MYH9: variants seen among roughly 807,000 people sequenced by gnomAD.
The protein encoded by MYH9 is myosin-9.
A neutral mutation model predicts 241.9 loss-of-function variants in MYH9; 29 were observed. That is an observed-to-expected ratio of 0.12 (90% CI 0.09 to 0.16). MYH9 has a LOEUF of 0.16. Among genes scored for constraint, MYH9 ranks in the 10% least tolerant of loss-of-function variants. MYH9 has a pLI of 1.00. For synonymous variants in MYH9, 1,047 were observed against 1,062.6 expected (o/e 0.99, Z 0.29); for missense variants, 1,803 against 2,595.5 (o/e 0.69, Z 6.63).
intron 40 of MYH9, among the ~76,000 whole-genome samples, chr22:36,283,727 C>G (rs1282292113): frequency 2.0e-5 from 3 of 152,218 alleles, no homozygotes; most frequent in Non-Finnish European, 4.4e-5. Flanking sequence ...TGTTAACACT[C>G]CCTGAGAAAC....
At chr22:36,307,147 T>C (rs1018573165) in intron 15 of MYH9, among the ~76,000 whole-genome samples, 1 of 152,232 alleles carries the variant, frequency 6.6e-6, no homozygotes, top group East Asian at 1.9e-4. Context: ...GTCCCCTCTA[T>C]ATCTACGCAG....
At chr22:36,379,137 C>T (rs1330824574) in intron 1 of MYH9, among the ~76,000 whole-genome samples, 1 of 152,128 alleles carries the variant, frequency 6.6e-6, no homozygotes, top group Non-Finnish European at 1.5e-5. Context: ...AAAGGCTCTT[C>T]TTTCTAAGGC....
At chr22:36,331,892 G>A (rs192438735) in intron 3 of MYH9, among the ~76,000 whole-genome samples, 132 of 152,342 alleles carry the variant, frequency 8.7e-4, no homozygotes, top group Non-Finnish European at 1.6e-4. Flanking sequence ...ACATGCCCAC[G>A]TTGGGTGAGA....
Position 36,286,807 on chromosome 22 carries a change from G to A in MYH9, c.4972C>T (p.Arg1658Cys), listed in dbSNP as rs143972348. ...KDCMRELDDT[R>C]ASREEILAQA... ...GCCAGGATCTCCTCACGAGAGGCGC[G>A]GGTGTCATCCAGCTCGCGCATGCAG... The change falls in exon 35 of 41, where the codon CGC becomes TGC. Residue 1658 changes from arginine (R) to cysteine (C), a missense_variant. Transcript: ENST00000216181. 20 of 1,611,714 alleles carry A rather than the reference G, an allele frequency of 1.2e-5. No homozygotes were observed. The highest frequency in any genetic ancestry group is 2.2e-5 in the South Asian group (2 of 91,082).
chr22:36,319,333 C>A (rs1447812476), intron 10 of MYH9, among the ~76,000 whole-genome samples: 1 of 152,058 alleles, frequency 6.6e-6, no homozygotes, highest in Non-Finnish European at 1.5e-5. Context: ...CACATGATCA[C>A]AAGTTTAAGT....
chr22:36,320,932 G>A lies in MYH9; in HGVS notation c.770-36C>T, dbSNP rs1212336961. ...ATTAAGGAGCAACACAAGCTGGGGA[G>A]AAGGCAAGCCCTCCACTTTCCTCAT... is the stretch of plus-strand genomic sequence containing the variant. On this transcript the variant is annotated intron_variant, in intron 7 of 40. Coordinates refer to ENST00000216181, the MANE Select transcript of MYH9 (RefSeq NM_002473.6). This position sits in a 1 kb window ranked among gnomAD's most constrained non-coding sequence, Gnocchi z 4.8. 1.3e-6 allele frequency: 2 copies of A among 1,562,908 alleles called. No individual in the cohort carries two copies. The highest frequency in any genetic ancestry group is 8.8e-7 in the Non-Finnish European group (1 of 1,136,244).
chr22:36,302,674 G>A lies in MYH9; in HGVS notation c.2393C>T (p.Ala798Val), dbSNP rs1252181324. Reference sequence around the variant, plus strand: ...AAGCTGCTGCTGCCGCTTGGCAAATGCTCTGTGTGGTGAGGAACATGGTCA... The same window carrying A: ...AAGCTGCTGCTGCCGCTTGGCAAATACTCTGTGTGGTGAGGAACATGGTCA... ...ACCRGYLARKAFAKRQQQLTA... is the reference protein window; with the variant it reads ...ACCRGYLARKVFAKRQQQLTA... Residue 798 changes from alanine (A) to valine (V), a missense_variant and splice_region_variant, in exon 20 of 41, where the codon GCA becomes GTA. Transcript: ENST00000216181. The A allele has an allele frequency of 3.7e-6, 6 of 1,612,918 alleles. No individual in the cohort carries two copies. The highest frequency in any genetic ancestry group is 5.1e-6 in the Non-Finnish European group (6 of 1,179,484).
intron 1 of MYH9, among the ~76,000 whole-genome samples, chr22:36,386,594 G>T (rs1016105667): frequency 6.6e-6 from 1 of 152,192 alleles, no homozygotes; most frequent in South Asian, 2.1e-4. Flanking sequence ...AGTGAACCGA[G>T]AAGTGGCTGG....
chr22:36,307,616 G>A (rs1443774222), intron 15 of MYH9, among the ~76,000 whole-genome samples: 5 of 152,244 alleles, frequency 3.3e-5, no homozygotes, highest in Non-Finnish European at 7.3e-5. Flanking sequence ...GGCTGGGCAT[G>A]GTGGCTCGCG....
chr22:36,288,387 C>G lies in MYH9; in HGVS notation c.4797G>C (p.Glu1599Asp), dbSNP rs781661570. ...CCATCGAGCGCTGCTTCCTCTCGTCCTCCAGCTCTGCCTCCATCTCCCGCA... is the reference window on the plus strand; with the variant it reads ...CCATCGAGCGCTGCTTCCTCTCGTCGTCCAGCTCTGCCTCCATCTCCCGCA... The part of the protein sequence containing the change: ...RQVREMEAEL[E>D]DERKQRSMAV... Residue 1599 changes from glutamate to aspartate, a missense_variant, in exon 34 of 41, where the codon GAG (glutamate) becomes GAC (aspartate). Coordinates refer to ENST00000216181, the MANE Select transcript of MYH9 (RefSeq NM_002473.6). The surrounding 1 kb of genome is among the most constrained non-coding windows in gnomAD (Gnocchi z 4.8). 65 of 1,612,548 alleles carry G rather than the reference C, an allele frequency of 4.0e-5. No individual in the cohort carries two copies. The highest frequency in any genetic ancestry group is 4.3e-5 in the Non-Finnish European group (51 of 1,180,032).
At chr22:36,347,182 A>G (rs556597744) in intron 2 of MYH9, among the ~76,000 whole-genome samples, 2 of 152,110 alleles carry the variant, frequency 1.3e-5, no homozygotes, top group Admixed American at 1.3e-4. Flanking sequence ...CCTGTCTCCT[A>G]ACTTGGTGAT....
intron 19 of MYH9, 125 bp downstream of exon 19, chr22:36,303,870 G>GC (rs1569535308): frequency 9.4e-7 from 1 of 1,066,556 alleles, no homozygotes; most frequent in South Asian, 1.4e-5. Flanking sequence ...GGTAGGAAGA[G>GC]CCACCTGGGC....
In MYH9 at chr22:36,288,230, C is replaced by G. The variant is rs1482198281; in HGVS notation, c.4932+22G>C. 1.4e-5 allele frequency: 22 copies of G among 1,612,892 alleles called. No individual in the cohort carries two copies. Among genetic ancestry groups the G allele is most frequent in the Non-Finnish European group, 1.8e-5 (21 of 1,179,856 alleles). On this transcript the variant is annotated intron_variant, in intron 34 of 40. Coordinates refer to ENST00000216181, the MANE Select transcript of MYH9 (RefSeq NM_002473.6). This position sits in a 1 kb window ranked among gnomAD's most constrained non-coding sequence, Gnocchi z 4.8. ...CTCAGTCGGGTGCCGCCCACCCTCA[C>G]CTGGGCCCCGCCCACCCTTACCTGC...
intron 14 of MYH9, among the ~76,000 whole-genome samples, chr22:36,311,262 G>A (rs971022538): frequency 6.6e-6 from 1 of 152,206 alleles, no homozygotes; most frequent in African/African-American, 2.4e-5. Flanking sequence ...ATGCAGACTG[G>A]GAAGATGTCT....
rs201153545 is a variant in MYH9, at chr22:36,294,939, G to A, written c.3623C>T (p.Thr1208Met). 1.2e-5 allele frequency: 19 copies of A among 1,613,336 alleles called. No individual in the cohort carries two copies. The highest frequency in any genetic ancestry group is 1.7e-4 in the Middle Eastern group (1 of 6,056). The part of the protein sequence containing the change: ...VEELAEQLEQ[T>M]KRVKANLEKA... Reference sequence around the variant, plus strand: ...CTCAGGGAGGCTCCGCACCCGCTTCGTCTGCTCCAGCTGCTCCGCCAGCTC... The same window carrying A: ...CTCAGGGAGGCTCCGCACCCGCTTCATCTGCTCCAGCTGCTCCGCCAGCTC... Residue 1208 changes from threonine to methionine, a missense_variant, in exon 27 of 41, where the codon ACG becomes ATG. By Grantham distance (81) the Thr-to-Met change is moderately conservative. Transcript: ENST00000216181.
In MYH9 at chr22:36,351,170, G is replaced by A. The variant is rs541027373; in HGVS notation, c.-19-1915C>T. Among the ~76,000 whole-genome samples, 5 of 152,294 alleles carry A rather than the reference G, an allele frequency of 3.3e-5. No homozygotes were observed. The East Asian group carries it at 5.8e-4, about 18-fold the overall frequency. On this transcript the variant is annotated intron_variant, in intron 1 of 40. Coordinates refer to ENST00000216181, the MANE Select transcript of MYH9 (RefSeq NM_002473.6). ...CCCCTGGACTCACTCCAGAAGGGGC[G>A]GTTTTCCAGGAAAAAACCTTTTTGC...
At chr22:36,325,676 G>A (rs2017324876) in intron 5 of MYH9, among the ~76,000 whole-genome samples, 1 of 152,238 alleles carries the variant, frequency 6.6e-6, no homozygotes, top group South Asian at 2.1e-4. Context: ...CGTGAGAGCG[G>A]AGTCCCCATC....
intron 1 of MYH9, among the ~76,000 whole-genome samples, chr22:36,350,857 G>A (rs1195102600): frequency 6.6e-6 from 1 of 152,194 alleles, no homozygotes; most frequent in Non-Finnish European, 1.5e-5. Flanking sequence ...ACCAGAGGAG[G>A]CAGCCCAGAA....
rs145476120 is a variant in MYH9 at position 36,301,010 on chromosome 22, G to A, written c.2679C>T (p.Thr893=). The A allele has an allele frequency of 2.3e-5, 37 of 1,611,742 alleles. No homozygotes were observed. In the African/African-American group the frequency reaches 2.7e-4, roughly 12 times the overall value. Residue 893 remains threonine, a synonymous_variant, in exon 22 of 41, where the codon ACC becomes ACT. Transcript: ENST00000216181. ...GCTCCTCAGCCTCGGCACACAGCTC[G>A]GTTTCTGCCTGGAGCTGCTCCTGCA... ...LQLQEQLQAE[T]ELCAEAEELR...
Sources: allele counts gnomAD v4.1 joint callset (sites outside exome capture counted in the v4.1 genomes callset), GRCh38; gene constraint gnomAD v4.1.1; non-coding constraint Gnocchi (gnomAD v3.1); transcripts MANE v1.5; gene names NCBI Gene and HGNC (gene_info 2026-07-23, HGNC 2026-07-21).